The following SHC3 variants were observed in gnomAD, a reference collection of about 807,000 sequenced individuals.
SHC3 encodes SHC-transforming protein 3.
A neutral mutation model predicts 60.4 loss-of-function variants in SHC3; 15 were observed. The ratio of observed to expected loss-of-function variants is 0.25; its 90% confidence interval spans 0.17 to 0.38. SHC3 has a LOEUF of 0.38. SHC3 is among the 10% of genes least tolerant of loss of function. The pLI is 1.00. For synonymous variants in SHC3, 294 were observed against 325.9 expected (o/e 0.90, Z 1.05); for missense variants, 677 against 786.1 (o/e 0.86, Z 1.66).
intron 7 of SHC3, 94 bp downstream of exon 7, chr9:89,051,943 G>C: frequency 6.5e-7 from 1 of 1,533,742 alleles, no homozygotes; most frequent in East Asian, 2.4e-5. Flanking sequence ...GATTAATTGT[G>C]CCTGTCCAGA....
chr9:89,080,431 A>T (rs535249471), intron 2 of SHC3, among the ~76,000 whole-genome samples: 2 of 152,144 alleles, frequency 1.3e-5, no homozygotes, highest in Non-Finnish European at 1.5e-5. Flanking sequence ...TGATTTCACC[A>T]TCTTCCCTTC....
At position 89,113,968 on chromosome 9, in the gene SHC3, AG is replaced by A. The variant is rs537910441; in HGVS notation, c.475-1343del. On this transcript the variant is annotated intron_variant, in intron 1 of 11. Coordinates refer to ENST00000375835, the MANE Select transcript of SHC3 (RefSeq NM_016848.6). ...GTGAATAATAGGACCAATGTCACAG[AG>A]TTATGTGAATACCACCAGCATCAAA... Among the ~76,000 whole-genome samples the A allele has an allele frequency of 4.6e-5, 7 of 152,310 alleles. No homozygotes were observed. In the South Asian group the frequency reaches 1.5e-3, roughly 32 times the overall value.
At chr9:89,146,965 G>A (rs759008787) in intron 1 of SHC3, among the ~76,000 whole-genome samples, 82 of 152,172 alleles carry the variant, frequency 5.4e-4, no homozygotes, top group Non-Finnish European at 8.1e-4. Context: ...AAATTAACCC[G>A]TATGTCCACC....
chr9:89,092,489 C>T (rs1158363443), intron 2 of SHC3, among the ~76,000 whole-genome samples: 1 of 151,718 alleles, frequency 6.6e-6, no homozygotes, highest in African/African-American at 2.4e-5. Context: ...TGGTGGCGGG[C>T]ACCTGTAGTC....
chr9:89,145,148 CAGA>C (rs1422518308), intron 1 of SHC3, among the ~76,000 whole-genome samples: 1 of 152,164 alleles, frequency 6.6e-6, no homozygotes, highest in Non-Finnish European at 1.5e-5. Context: ...ATCCCTAAAA[CAGA>C]AGAAGTGGCA....
chr9:89,106,879 T>A (rs568697991), intron 2 of SHC3, among the ~76,000 whole-genome samples: 1 of 151,424 alleles, frequency 6.6e-6, no homozygotes, highest in Non-Finnish European at 1.5e-5. Context: ...ACCTACTAGA[T>A]GCATTATGGT....
chr9:89,061,649 G>C (rs1330346282), intron 6 of SHC3, among the ~76,000 whole-genome samples: 1 of 152,234 alleles, frequency 6.6e-6, no homozygotes, highest in Non-Finnish European at 1.5e-5. Flanking sequence ...GCCTTCCACA[G>C]TTTCAGTTAC....
At chr9:89,028,483 AT>A (rs1826358267) in intron 11 of SHC3, among the ~76,000 whole-genome samples, 1 of 19,080 alleles carries the variant, frequency 5.2e-5, no homozygotes, top group Admixed American at 5.8e-4. Flanking sequence ...TATAGATTAT[AT>A]CTATATAGAT....
At chr9:89,037,363 G>T (rs943669511) in intron 11 of SHC3, 1 of 611,276 alleles carries the variant, frequency 1.6e-6, no homozygotes, top group Non-Finnish European at 2.9e-6. Context: ...CAATGGTTAG[G>T]TTGATTTAAC....
intron 4 of SHC3, among the ~76,000 whole-genome samples, chr9:89,074,680 A>G (rs1255128760): frequency 1.6e-5 from 2 of 125,210 alleles, no homozygotes; most frequent in Non-Finnish European, 3.3e-5. Context: ...CAAAACAATG[A>G]GCCACTAAAG....
At chr9:89,069,118 G>A (rs1825229827) in intron 5 of SHC3, among the ~76,000 whole-genome samples, 2 of 152,148 alleles carry the variant, frequency 1.3e-5, no homozygotes, top group Admixed American at 6.5e-5. Context: ...GACCAGCCTG[G>A]GCAATATGGT....
intron 7 of SHC3, among the ~76,000 whole-genome samples, chr9:89,050,061 G>T (rs1433576301): frequency 6.6e-6 from 1 of 152,142 alleles, no homozygotes; most frequent in Non-Finnish European, 1.5e-5. Flanking sequence ...AACTTACGTT[G>T]GATGGATACA....
At chr9:89,164,914 C>T (rs986033551) in intron 1 of SHC3, among the ~76,000 whole-genome samples, 12 of 152,080 alleles carry the variant, frequency 7.9e-5, no homozygotes, top group African/African-American at 2.9e-4. Flanking sequence ...CCAGCCAAGG[C>T]AATAAGAGAA....
intron 2 of SHC3, among the ~76,000 whole-genome samples, chr9:89,094,937 C>CA (rs1258264065): frequency 1.2e-4 from 18 of 150,450 alleles, no homozygotes; most frequent in Admixed American, 7.3e-4. Flanking sequence ...ACAACAACAA[C>CA]AAAAAAAACC....
chr9:89,046,189 AT>A (rs1824772490), intron 8 of SHC3, among the ~76,000 whole-genome samples: 1 of 151,290 alleles, frequency 6.6e-6, no homozygotes. Flanking sequence ...CACATAACAC[AT>A]ACGCCCATGA....
At chr9:89,068,001 G>T (rs560841355) in intron 5 of SHC3, among the ~76,000 whole-genome samples, 1 of 152,330 alleles carries the variant, frequency 6.6e-6, no homozygotes, top group East Asian at 1.9e-4. Context: ...AAAGGAGGGA[G>T]AATAGAGAGA....
Position 89,042,089 on chromosome 9 carries a change from GT to G in SHC3, c.1296del (p.Gln433ArgfsTer21). 1 of 1,602,528 alleles carries G rather than the reference GT, an allele frequency of 6.2e-7. No individual in the cohort carries two copies. Among genetic ancestry groups the G allele is most frequent in the Non-Finnish European group, 8.5e-7 (1 of 1,177,196 alleles). On this transcript the variant is annotated frameshift_variant, in exon 10 of 12. Transcript: ENST00000375835. LOFTEE classifies it high-confidence loss of function. ...CTGCTGACCGCAGCCGGCCAGGCCT[GT>G]GGTGGGATCTGCTGAGTGTTGACGT... ...PTYVNTQQIP[P>X]QAWPAAVSSA...
At chr9:89,126,324 C>T (rs568051774) in intron 1 of SHC3, among the ~76,000 whole-genome samples, 1 of 152,298 alleles carries the variant, frequency 6.6e-6, no homozygotes, top group East Asian at 1.9e-4. Flanking sequence ...GGTTAGAGTT[C>T]TTCCTAACAT....
intron 1 of SHC3, among the ~76,000 whole-genome samples, chr9:89,122,630 C>A (rs149748634): frequency 5.6e-4 from 86 of 152,260 alleles, no homozygotes; most frequent in African/African-American, 1.9e-3. Context: ...ACCAGCACTC[C>A]CTCCACATTC....
Sources: gnomAD v4.1 joint callset for allele counts (sites outside exome capture counted in the v4.1 genomes callset) on GRCh38, gnomAD v4.1.1 for gene constraint, MANE v1.5 for transcripts, NCBI Gene and HGNC (gene_info 2026-07-23, HGNC 2026-07-21) for gene names.